Variants in HCN1 observed in about 807,000 individuals in gnomAD.
HCN1 encodes the protein potassium/sodium hyperpolarization-activated cyclic nucleotide-gated channel 1.
Under a neutral mutation model 78.9 loss-of-function variants are expected in HCN1, and 13 were observed. That is an observed-to-expected ratio of 0.16 (90% CI 0.11 to 0.26). The LOEUF is 0.26. Among genes scored for constraint, HCN1 ranks in the 10% least tolerant of loss-of-function variants. The probability of loss-of-function intolerance (pLI) is 1.00; values close to 1 mark genes in which losing one functional copy is unlikely to be tolerated. For missense variants in HCN1, 810 were observed against 1,154.3 expected, an observed-to-expected ratio of 0.70 and a Z score of 4.32; for synonymous variants, 552 against 455.5, an observed-to-expected ratio of 1.21 and a Z score of -2.70.
chr5:45,487,716 T>C (rs1561172566), intron 2 of HCN1, among the ~76,000 whole-genome samples: 1 of 152,078 alleles, frequency 6.6e-6, no homozygotes, highest in Admixed American at 6.5e-5. Flanking sequence ...ATATTTTGCA[T>C]TTTCAAAATA....
intron 3 of HCN1, among the ~76,000 whole-genome samples, chr5:45,420,943 C>T (rs1310763059): frequency 6.6e-6 from 1 of 152,196 alleles, no homozygotes; most frequent in Non-Finnish European, 1.5e-5. Context: ...GTTTCACTTA[C>T]AGTTAGATAC....
chr5:45,556,161 G>C (rs908120322), intron 2 of HCN1, among the ~76,000 whole-genome samples: 1 of 151,848 alleles, frequency 6.6e-6, no homozygotes, highest in Non-Finnish European at 1.5e-5. Flanking sequence ...AAGATTTTTT[G>C]AGTAATACCC....
At chr5:45,387,231 C>T (rs1747940188) in intron 4 of HCN1, among the ~76,000 whole-genome samples, 1 of 151,914 alleles carries the variant, frequency 6.6e-6, no homozygotes, top group Non-Finnish European at 1.5e-5. Context: ...TGAGTTACTT[C>T]ATATATTCTT....
intron 5 of HCN1, among the ~76,000 whole-genome samples, chr5:45,326,338 G>A (rs1311999702): frequency 1.3e-5 from 2 of 151,446 alleles, no homozygotes; most frequent in Non-Finnish European, 3.0e-5. Context: ...TCACCTTAAC[G>A]TAGTTGTAAC....
At chr5:45,329,482 C>G (rs1162202494) in intron 5 of HCN1, among the ~76,000 whole-genome samples, 2 of 151,284 alleles carry the variant, frequency 1.3e-5, no homozygotes, top group Non-Finnish European at 3.0e-5. Context: ...GAGTCTGGAT[C>G]TCTCTTATTA....
chr5:45,358,867 G>C (rs745986746), intron 4 of HCN1, among the ~76,000 whole-genome samples: 16 of 152,058 alleles, frequency 1.1e-4, no homozygotes, highest in Non-Finnish European at 1.6e-4. Flanking sequence ...CACCTTTTAA[G>C]ATCTGACAGA....
chr5:45,583,686 C>G (rs1410138086), intron 2 of HCN1, among the ~76,000 whole-genome samples: 4 of 152,110 alleles, frequency 2.6e-5, no homozygotes, highest in Admixed American at 2.6e-4. Context: ...TCCCTCTACA[C>G]ACTGCTCTGA....
intron 2 of HCN1, among the ~76,000 whole-genome samples, chr5:45,503,495 A>T (rs569938794): frequency 2.4e-3 from 358 of 152,282 alleles, no homozygotes; most frequent in African/African-American, 8.1e-3. Flanking sequence ...AATTAGAAAA[A>T]AGCTTTAAAT....
Position 45,665,306 on chromosome 5 carries a change from G to A in HCN1, c.426-19698C>T, listed in dbSNP as rs1318919157. 2.4e-5 allele frequency among the ~76,000 whole-genome samples: 3 copies of A among 123,014 alleles called. No individual in the cohort carries two copies. The Admixed American group carries it at 2.6e-4, about 11-fold the overall frequency. 80.7% of individuals were successfully genotyped at this position (123,014 alleles called of 152,430 possible). On this transcript the variant is annotated intron_variant, in intron 1 of 7. Transcript: ENST00000303230. ...CACTCTGGGGACTGTTGTGGGGTGG[G>A]GGGAGGGGGGAGGGATAGCATTAGG...
chr5:45,417,928 C>T (rs1198090816), intron 3 of HCN1, among the ~76,000 whole-genome samples: 2 of 151,480 alleles, frequency 1.3e-5, no homozygotes, highest in Non-Finnish European at 2.9e-5. Flanking sequence ...GATAGAAAAA[C>T]GTGTTAATTC....
At chr5:45,644,047 G>T (rs1745502369) in intron 2 of HCN1, 1 of 151,888 alleles carries the variant, frequency 6.6e-6, no homozygotes, top group Non-Finnish European at 1.5e-5. Flanking sequence ...TTTTATTATT[G>T]CATGTCATTT....
Position 45,262,433 on chromosome 5 carries a change from A to C in HCN1, c.2161T>G (p.Ser721Ala). 6.2e-7 allele frequency: 1 copy of C among 1,610,516 alleles called. No homozygotes were observed. Among genetic ancestry groups the C allele is most frequent in the Non-Finnish European group, 8.5e-7 (1 of 1,179,452 alleles). Reference protein sequence around the residue: ...PLAARTFHYASPTASQLSLMQ... With the variant: ...PLAARTFHYAAPTASQLSLMQ... ...AGTGACAGCTGGGAGGCGGTGGGGG[A>C]GGCATAGTGGAAAGTTCGAGCGGCC... The change falls in exon 8 of 8, where the codon TCC becomes GCC. Residue 721 changes from serine (S) to alanine (A), a missense_variant. Ser to Ala is a moderately conservative substitution (Grantham distance 99, BLOSUM62 1). Around this residue, in one of 6 missense-constraint regions of HCN1, gnomAD observed 398 missense variants for 381.3 expected, o/e 1.04. Coordinates refer to ENST00000303230, the MANE Select transcript of HCN1 (RefSeq NM_021072.4).
At chr5:45,576,056 T>C (rs1029115828) in intron 2 of HCN1, 1 of 151,786 alleles carries the variant, frequency 6.6e-6, no homozygotes, top group Non-Finnish European at 1.5e-5. Context: ...TTAAAAGAAA[T>C]TTGGAAGAAG....
At chr5:45,533,062 G>A (rs1001817353) in intron 2 of HCN1, among the ~76,000 whole-genome samples, 9 of 152,176 alleles carry the variant, frequency 5.9e-5, no homozygotes, top group Non-Finnish European at 1.0e-4. Context: ...TGACAGCTAA[G>A]ATTTCGAGCT....
intron 6 of HCN1, among the ~76,000 whole-genome samples, chr5:45,267,787 C>A (rs865887347): frequency 5.9e-5 from 9 of 151,798 alleles, no homozygotes; most frequent in Admixed American, 2.6e-4. Context: ...ACAACAACAA[C>A]AAAAAAACAT....
At chr5:45,636,842 TA>T (rs1745365342) in intron 2 of HCN1, among the ~76,000 whole-genome samples, 1 of 152,116 alleles carries the variant, frequency 6.6e-6, no homozygotes, top group Admixed American at 6.6e-5. Flanking sequence ...ACCCTATCTC[TA>T]AAAAAAGAGT....
intron 4 of HCN1, among the ~76,000 whole-genome samples, chr5:45,374,179 T>C (rs1408251476): frequency 9.7e-5 from 9 of 92,358 alleles, no homozygotes; most frequent in Non-Finnish European, 1.5e-4. Context: ...TAATATATAT[T>C]ATATATTATA....
At chr5:45,670,045 G>C (rs970206993) in intron 1 of HCN1, among the ~76,000 whole-genome samples, 13 of 151,536 alleles carry the variant, frequency 8.6e-5, no homozygotes, top group African/African-American at 2.4e-4. Flanking sequence ...TGATAGTATG[G>C]AAACTCTTAA....
Position 45,375,311 on chromosome 5 carries a change from TATATAATATAATATTTTATG to T in HCN1, c.1230+21161_1230+21180del, listed in dbSNP as rs1561131316. ...ATAATATATTTCATGATATACAATA[TATATAATATAATATTTTATG>T]ATATACAATATATATAATATAATAT... On this transcript the variant is annotated intron_variant, in intron 4 of 7. Coordinates refer to ENST00000303230, the MANE Select transcript of HCN1 (RefSeq NM_021072.4). Among the ~76,000 whole-genome samples the T allele has an allele frequency of 1.3e-3, 150 of 113,940 alleles. 2 individuals are homozygous for T. The highest frequency in any genetic ancestry group is 4.8e-3 in the African/African-American group (142 of 29,862). 74.7% of individuals were successfully genotyped at this position (113,940 alleles called of 152,430 possible). A position where few individuals can be genotyped will look rare whatever the true frequency, so the allele number is the denominator to read the frequency against.
Sources: allele counts gnomAD v4.1 joint callset (sites outside exome capture counted in the v4.1 genomes callset), GRCh38; gene constraint gnomAD v4.1.1; regional missense constraint gnomAD v4.1.1; transcripts MANE v1.5; gene names NCBI Gene and HGNC (gene_info 2026-07-23, HGNC 2026-07-21).